ARHGAP28: variants seen among roughly 807,000 people sequenced by gnomAD.
ARHGAP28 encodes Rho GTPase activating protein 28.
In ARHGAP28, 56 loss-of-function variants were observed where a neutral mutation model predicts 90.7. That is an observed-to-expected ratio of 0.62 (90% CI 0.50 to 0.77). The LOEUF (loss-of-function observed/expected upper bound fraction) is 0.77, where lower values mean the gene tolerates loss of function less well. Among genes scored for constraint, ARHGAP28 ranks in the 30% least tolerant of loss-of-function variants. ARHGAP28 has a pLI of 0.00. For synonymous variants in ARHGAP28, 308 were observed against 323.3 expected (o/e 0.95, Z 0.51); for missense variants, 869 against 900.9 (o/e 0.96, Z 0.45).
intron 1 of ARHGAP28, among the ~76,000 whole-genome samples, chr18:6,803,098 G>C (rs939874576): frequency 6.6e-6 from 1 of 151,842 alleles, no homozygotes; most frequent in African/African-American, 2.4e-5. Flanking sequence ...TTGCCTGATT[G>C]CATTGGTTAG....
chr18:6,836,620 A>G (rs925955378), intron 2 of ARHGAP28, among the ~76,000 whole-genome samples: 1 of 152,126 alleles, frequency 6.6e-6, no homozygotes, highest in Admixed American at 6.5e-5. Flanking sequence ...GAGGAGTTGG[A>G]CACCTGGAAA....
intron 1 of ARHGAP28, among the ~76,000 whole-genome samples, chr18:6,778,730 A>T (rs996543395): frequency 6.6e-6 from 1 of 152,224 alleles, no homozygotes; most frequent in South Asian, 2.1e-4. Flanking sequence ...GCATTAGTGC[A>T]TCTTGATTAG....
intron 1 of ARHGAP28, among the ~76,000 whole-genome samples, chr18:6,753,837 A>G (rs1458242545): frequency 6.6e-6 from 1 of 152,204 alleles, no homozygotes; most frequent in African/African-American, 2.4e-5. Context: ...GCCTCTGCCC[A>G]TAAGAGACAG....
chr18:6,808,234 C>G (rs1001623787), intron 1 of ARHGAP28, among the ~76,000 whole-genome samples: 4 of 151,902 alleles, frequency 2.6e-5, no homozygotes, highest in African/African-American at 9.7e-5. Context: ...ATTGTTAATT[C>G]TACTCATTGG....
chr18:6,864,871 G>C (rs2057026759), intron 5 of ARHGAP28, among the ~76,000 whole-genome samples: 1 of 151,796 alleles, frequency 6.6e-6, no homozygotes, highest in African/African-American at 2.4e-5. Flanking sequence ...TTTAAGTAGA[G>C]ATGAGGTCTT....
chr18:6,805,642 C>T (rs1008792763), intron 1 of ARHGAP28, among the ~76,000 whole-genome samples: 6 of 151,418 alleles, frequency 4.0e-5, no homozygotes, highest in Admixed American at 1.3e-4. Context: ...CCTGCCACCA[C>T]GCCCGGCTAA....
chr18:6,808,605 G>A (rs2056535292), intron 1 of ARHGAP28, among the ~76,000 whole-genome samples: 1 of 152,166 alleles, frequency 6.6e-6, no homozygotes, highest in African/African-American at 2.4e-5. Context: ...TTACATTCTA[G>A]AGCAGCCTCT....
In ARHGAP28 at chr18:6,878,891, A is replaced by T. The variant is rs8084020; in HGVS notation, c.1290+2683A>T. 4.8e-3 allele frequency among the ~76,000 whole-genome samples: 730 copies of T among 152,294 alleles called. 8 individuals carry two copies. Among genetic ancestry groups the T allele is most frequent in the African/African-American group, 0.016 (676 of 41,562 alleles). Reference sequence around the variant, plus strand: ...TCCTTTATTCAAACTTTTTATTTAAACTACCTCCTTTTTTGTAATTCATCC... The same window carrying T: ...TCCTTTATTCAAACTTTTTATTTAATCTACCTCCTTTTTTGTAATTCATCC... On this transcript the variant is annotated intron_variant, in intron 10 of 17. Coordinates refer to ENST00000383472, the MANE Select transcript of ARHGAP28 (RefSeq NM_001366230.1).
chr18:6,730,821 A>T (rs1465458950), intron 1 of ARHGAP28, among the ~76,000 whole-genome samples: 3 of 152,184 alleles, frequency 2.0e-5, no homozygotes, highest in African/African-American at 7.2e-5. Flanking sequence ...TTTTCTTTAC[A>T]AGGGGGCAGT....
At chr18:6,735,555 GT>G (rs35656127) in intron 1 of ARHGAP28, among the ~76,000 whole-genome samples, 30,407 of 135,626 alleles carry the variant, frequency 0.22, 3,028 homozygotes, top group African/African-American at 0.32. Context: ...AGGTTATGCT[GT>G]TTTTTTTTTT....
chr18:6,843,371 T>C (rs2056842536), intron 3 of ARHGAP28, among the ~76,000 whole-genome samples: 1 of 152,174 alleles, frequency 6.6e-6, no homozygotes, highest in Non-Finnish European at 1.5e-5. Flanking sequence ...GTTACTTTGG[T>C]TCTTCTGAGT....
intron 11 of ARHGAP28, among the ~76,000 whole-genome samples, chr18:6,883,302 G>A (rs574326507): frequency 2.1e-4 from 31 of 150,542 alleles, no homozygotes; most frequent in Admixed American, 8.6e-4. Context: ...TCAGTGATGC[G>A]ATCTTGGCTC....
intron 2 of ARHGAP28, chr18:6,834,463 T>C (rs901537190): frequency 2.6e-5 from 4 of 152,146 alleles, no homozygotes; most frequent in African/African-American, 9.7e-5. Context: ...ATGTTGAGTT[T>C]TTGAGGAATC....
chr18:6,798,906 G>C (rs142859822), intron 1 of ARHGAP28, among the ~76,000 whole-genome samples: 1 of 152,308 alleles, frequency 6.6e-6, no homozygotes, highest in Non-Finnish European at 1.5e-5. Flanking sequence ...TGTGAAGCAT[G>C]CATCATGCTA....
intron 10 of ARHGAP28, among the ~76,000 whole-genome samples, chr18:6,878,447 T>A (rs1320482184): frequency 6.6e-6 from 1 of 151,680 alleles, no homozygotes; most frequent in Non-Finnish European, 1.5e-5. Flanking sequence ...TATACATATG[T>A]AACTAACCTG....
chr18:6,772,286 C>G (rs2056249176), intron 1 of ARHGAP28, among the ~76,000 whole-genome samples: 1 of 152,316 alleles, frequency 6.6e-6, no homozygotes, highest in African/African-American at 2.4e-5. Flanking sequence ...GGTGCTCTAA[C>G]AGAATGTAAG....
At chr18:6,755,621 A>G (rs1399120760) in intron 1 of ARHGAP28, among the ~76,000 whole-genome samples, 2 of 152,226 alleles carry the variant, frequency 1.3e-5, no homozygotes, top group Non-Finnish European at 2.9e-5. Flanking sequence ...CCTAAGTAAG[A>G]CAACTGTATA....
rs1375311919 is a variant in ARHGAP28, at chr18:6,857,902, T to G, written c.637-1906T>G. ...GATCTATTTTCCAGAAAGGCCAAAA[T>G]TGTTGATTGTGTGTTTGTGTGAGTA... is the stretch of plus-strand genomic sequence containing the variant. On this transcript the variant is annotated intron_variant, in intron 4 of 17. Transcript: ENST00000383472. Among the ~76,000 whole-genome samples the G allele has an allele frequency of 4.6e-5, 7 of 152,136 alleles. No homozygotes were observed. The East Asian group carries it at 1.3e-3, about 29-fold the overall frequency.
intron 6 of ARHGAP28, among the ~76,000 whole-genome samples, 161 bp from the exon 7 acceptor site, chr18:6,870,429 A>C (rs947226743): frequency 1.3e-5 from 2 of 152,224 alleles, no homozygotes; most frequent in African/African-American, 4.8e-5. Context: ...ACTGTTGTTT[A>C]ACTGAACTCC....
Sources: gnomAD v4.1 joint callset for allele counts (sites outside exome capture counted in the v4.1 genomes callset) on GRCh38, gnomAD v4.1.1 for gene constraint, MANE v1.5 for transcripts, NCBI Gene and HGNC (gene_info 2026-07-23, HGNC 2026-07-21) for gene names.